TFR2: variants seen among roughly 807,000 people sequenced by gnomAD.
The protein encoded by TFR2 is transferrin receptor 2.
TFR2 carries 64 observed loss-of-function variants against 91.9 expected under a neutral mutation model. The observed-to-expected ratio is 0.70, with a 90% CI of 0.57 to 0.86. The LOEUF (loss-of-function observed/expected upper bound fraction) is 0.86, where lower values mean the gene tolerates loss of function less well. Ranked by LOEUF, TFR2 falls within the 40% of genes least tolerant of loss-of-function variation. The pLI is 0.00. For missense variants in TFR2, 950 were observed against 1,080.5 expected (o/e 0.88, Z 1.69); for synonymous variants, 454 against 459.6 (o/e 0.99, Z 0.15).
chr7:100,630,346 A>G (rs558999858), intron 9 of TFR2, among the ~76,000 whole-genome samples: 7 of 149,496 alleles, frequency 4.7e-5, no homozygotes, highest in South Asian at 2.1e-4. Context: ...CTGGAGTGCA[A>G]TGGCACAATC....
intron 8 of TFR2, chr7:100,631,494 G>A (rs557866732): frequency 2.1e-4 from 69 of 326,086 alleles, no homozygotes; most frequent in African/African-American, 1.4e-3. Context: ...GTGGTGGGGG[G>A]GCACCTGTAA....
At position 100,626,804 on chromosome 7, in the gene TFR2, C is replaced by G. The variant is rs977909105; in HGVS notation, c.2095G>C (p.Asp699His). Reference protein sequence around the residue: ...RQEIYSSEERDERLTRMYNVR... With the variant: ...RQEIYSSEERHERLTRMYNVR... ...TTGTACATGCGTGTCAGTCGCTCGTCTCTCTCCTCCGAGCTGTAGATCTCC... is the reference window on the plus strand; with the variant it reads ...TTGTACATGCGTGTCAGTCGCTCGTGTCTCTCCTCCGAGCTGTAGATCTCC... Residue 699 changes from aspartate to histidine, a missense_variant, in exon 17 of 18, where the codon GAC becomes CAC. Asp to His is a moderately conservative substitution (Grantham distance 81). Transcript: ENST00000223051. The G allele has an allele frequency of 3.2e-6, 5 of 1,548,918 alleles. No homozygotes were observed. The highest frequency in any genetic ancestry group is 2.0e-5 in the Admixed American group (1 of 51,008).
chr7:100,631,103 G>T, intron 8 of TFR2, 51 bp from the exon 9 acceptor site: 1 of 1,461,254 alleles, frequency 6.8e-7, no homozygotes. Context: ...ACCCAGAAGA[G>T]TCCAAATCAC....
rs1464488680 is a variant in TFR2 at position 100,631,793 on chromosome 7, A to G, written c.1106+13T>C. 3.1e-6 allele frequency: 5 copies of G among 1,610,610 alleles called. No individual in the cohort carries two copies. Among genetic ancestry groups the G allele is most frequent in the African/African-American group, 1.3e-5 (1 of 74,918 alleles). ...CTGCTTCCTCCTCTTCTGGTCCCCAACACTCCCCTCACCTCAGCAGGCGGG... is the reference window on the plus strand; with the variant it reads ...CTGCTTCCTCCTCTTCTGGTCCCCAGCACTCCCCTCACCTCAGCAGGCGGG... On this transcript the variant is annotated intron_variant, in intron 8 of 17. Coordinates refer to ENST00000223051, the MANE Select transcript of TFR2 (RefSeq NM_003227.4).
In TFR2 at chr7:100,627,402, G is replaced by A; in HGVS notation, c.1857C>T (p.Ala619=). The part of the protein sequence containing the change: ...KVLQGRLPAV[A]QAVAQLAGQL... ...GCCCTGCGAGCTGGGCCACGGCCTG[G>A]GCCACGGCGGGCAGGCGGCCTTGCA... The change falls in exon 16 of 18, where the codon GCC becomes GCT. Residue 619 remains alanine, a synonymous_variant. Coordinates refer to ENST00000223051, the MANE Select transcript of TFR2 (RefSeq NM_003227.4). The A allele has an allele frequency of 6.4e-7, 1 of 1,566,184 alleles. No individual in the cohort carries two copies. The highest frequency in any genetic ancestry group is 1.9e-5 in the Admixed American group (1 of 52,030).
chr7:100,639,458 C>A (rs1349003077), intron 3 of TFR2, among the ~76,000 whole-genome samples: 1 of 151,832 alleles, frequency 6.6e-6, no homozygotes, highest in Admixed American at 6.6e-5. Context: ...TGGAGCACAG[C>A]AAAGTTCATT....
In TFR2 at chr7:100,621,088, G is replaced by A. The variant is rs747347518; in HGVS notation, c.2175C>T (p.Ala725=). 1.2e-5 allele frequency: 18 copies of A among 1,542,062 alleles called. No homozygotes were observed. The highest frequency in any genetic ancestry group is 8.3e-5 in the South Asian group (7 of 83,972). Residue 725 remains alanine, a synonymous_variant, in exon 18 of 18, where the codon GCC becomes GCT. Coordinates refer to ENST00000223051, the MANE Select transcript of TFR2 (RefSeq NM_003227.4). ...FYFLSQYVSP[A]DSPFRHIFMG... ...TGAAGATGTGGCGGAACGGGGAGTC[G>A]GCTGGCGACACGTACTGGGAAAGGA...
chr7:100,640,538 C>T (rs550704549), intron 3 of TFR2, 148 bp downstream of exon 3: 37 of 867,056 alleles, frequency 4.3e-5, no homozygotes, highest in Admixed American at 1.0e-4. Flanking sequence ...TTCCCAGGAC[C>T]GCTGAACAGG....
intron 17 of TFR2, 33 bp from the exon 18 acceptor site, chr7:100,621,159 G>A: frequency 6.8e-7 from 1 of 1,461,650 alleles, no homozygotes; most frequent in Non-Finnish European, 9.1e-7. Flanking sequence ...TCAGGGTTGG[G>A]GGCTCTGGCT....
chr7:100,640,798 C>A lies in TFR2; in HGVS notation c.361G>T (p.Asp121Tyr), dbSNP rs2131327498. Residue 121 changes from aspartate to tyrosine, a missense_variant, in exon 3 of 18, where the codon GAT becomes TAT. Transcript: ENST00000223051. ...CGDSVLVVSE[D>Y]VNYEPDLDFH... ...TCCAGGTCAGGCTCATAGTTGACAT[C>A]CTCACTGACCACCAACACAGAGTCT... 1 of 1,614,190 alleles carries A rather than the reference C, an allele frequency of 6.2e-7. No individual in the cohort carries two copies. The highest frequency in any genetic ancestry group is 2.2e-5 in the East Asian group (1 of 44,876).
Position 100,641,082 on chromosome 7 carries a change from C to A in TFR2, c.180G>T (p.Glu60Asp), listed in dbSNP as rs1040349969. The A allele has an allele frequency of 6.2e-7, 1 of 1,600,050 alleles. No individual in the cohort carries two copies. The highest frequency in any genetic ancestry group is 1.3e-5 in the African/African-American group (1 of 74,552). Residue 60 changes from glutamate (E) to aspartate (D), a missense_variant, in exon 2 of 18, where the codon GAG becomes GAT. By Grantham distance (45) the Glu-to-Asp change is conservative. Coordinates refer to ENST00000223051, the MANE Select transcript of TFR2 (RefSeq NM_003227.4). The stretch of plus-strand genomic sequence containing the variant: ...GCTGCCTGGGTCTAGAGCCCAGGGG[C>A]TCAGGGCCCCTCAGCTCCATGGGGC... Reference protein sequence around the residue: ...HFCPMELRGPEPLGSRPRQPN... With the variant: ...HFCPMELRGPDPLGSRPRQPN...
intron 17 of TFR2, among the ~76,000 whole-genome samples, chr7:100,622,643 AG>A (rs1290120227): frequency 5.3e-5 from 8 of 152,334 alleles, no homozygotes; most frequent in Admixed American, 3.9e-4. Flanking sequence ...TAAATCCTCT[AG>A]CATGTGGTAA....
chr7:100,621,817 A>G (rs1803120610), intron 17 of TFR2, among the ~76,000 whole-genome samples: 1 of 152,064 alleles, frequency 6.6e-6, no homozygotes, highest in African/African-American at 2.4e-5. Flanking sequence ...GTCTTTCCTG[A>G]GACGGCCTTG....
chr7:100,622,200 A>G (rs1803130069), intron 17 of TFR2, among the ~76,000 whole-genome samples: 1 of 152,064 alleles, frequency 6.6e-6, no homozygotes, highest in Non-Finnish European at 1.5e-5. Flanking sequence ...TGATTTTCAG[A>G]TGCTCACATC....
At chr7:100,637,843 T>TG (rs1408034000) in intron 3 of TFR2, among the ~76,000 whole-genome samples, 2 of 150,984 alleles carry the variant, frequency 1.3e-5, no homozygotes, top group Non-Finnish European at 3.0e-5. Context: ...TAATTTTTTT[T>TG]TTTTTGAGAT....
At chr7:100,630,273 T>G (rs1803397619) in intron 9 of TFR2, among the ~76,000 whole-genome samples, 1 of 151,712 alleles carries the variant, frequency 6.6e-6, no homozygotes, top group African/African-American at 2.4e-5. Flanking sequence ...TTTCTCTTTC[T>G]CTCTTTCTTT....
intron 1 of TFR2, 61 bp downstream of exon 1, chr7:100,641,416 G>T: frequency 6.2e-7 from 1 of 1,605,498 alleles, no homozygotes; most frequent in Non-Finnish European, 8.5e-7. Flanking sequence ...AGGGGCTTGG[G>T]AGGGGGCTGA....
chr7:100,631,078 G>A (rs771602648), intron 8 of TFR2, 26 bp from the exon 9 acceptor site: 3 of 1,529,314 alleles, frequency 2.0e-6, no homozygotes, highest in South Asian at 2.6e-5. Context: ...GCAGAAAGGG[G>A]GAAGTTGTAG....
chr7:100,622,064 TCAC>T (rs1366796795), intron 17 of TFR2, among the ~76,000 whole-genome samples: 1 of 152,166 alleles, frequency 6.6e-6, no homozygotes, highest in Non-Finnish European at 1.5e-5. Flanking sequence ...GGTCTCACTG[TCAC>T]CCAGGCTGGA....
Sources: allele counts gnomAD v4.1 joint callset (sites outside exome capture counted in the v4.1 genomes callset), GRCh38; gene constraint gnomAD v4.1.1; transcripts MANE v1.5; gene names NCBI Gene and HGNC (gene_info 2026-07-23, HGNC 2026-07-21).